MXD1: variants seen among roughly 807,000 people sequenced by gnomAD.
MXD1 encodes MAX dimerization protein 1.
Under a neutral mutation model 25.7 loss-of-function variants are expected in MXD1, and 9 were observed. The ratio of observed to expected loss-of-function variants is 0.35; its 90% CI spans 0.21 to 0.61. MXD1 has a LOEUF of 0.61. Ranked by LOEUF, MXD1 falls within the 20% of genes least tolerant of loss-of-function variation. The pLI, the probability that MXD1 is intolerant of heterozygous loss-of-function variation, is 0.75. For missense variants in MXD1, 227 were observed against 292.4 expected (o/e 0.78, Z 1.63); for synonymous variants, 99 against 113.9 (o/e 0.87, Z 0.83).
Position 69,922,875 on chromosome 2 carries a change from G to A in MXD1, c.203+1110G>A, listed in dbSNP as rs529159235. Among the ~76,000 whole-genome samples, 682 of 107,650 alleles carry A rather than the reference G, an allele frequency of 6.3e-3. 9 individuals carry two copies. Among genetic ancestry groups the A allele is most frequent in the African/African-American group, 0.032 (657 of 20,370 alleles). 70.6% of individuals were successfully genotyped at this position (107,650 alleles called of 152,430 possible). ...GGCTTGGGCAACAGAGTGAGACTCC[G>A]TCTCAAAAAAAAAAAAAAAAAGTAG... On this transcript the variant is annotated intron_variant, in intron 3 of 5. Transcript: ENST00000264444.
Position 69,916,225 on chromosome 2 carries a change from T to C in MXD1, c.173+5T>C. 1 of 1,548,686 alleles carries C rather than the reference T, an allele frequency of 6.5e-7. No individual in the cohort carries two copies. Among genetic ancestry groups the C allele is most frequent in the Non-Finnish European group, 8.9e-7 (1 of 1,122,358 alleles). ...AAAGAATAACAGCAGTAGCAGGTAA[T>C]TTGGTAAATACTTCTTTCTGTCTTT... On this transcript the variant is annotated splice_donor_5th_base_variant and intron_variant, in intron 2 of 5. Transcript: ENST00000264444.
At chr2:69,934,408 T>C (rs976375706) in intron 3 of MXD1, among the ~76,000 whole-genome samples, 1 of 152,248 alleles carries the variant, frequency 6.6e-6, no homozygotes, top group African/African-American at 2.4e-5. Context: ...GGAGCAACTC[T>C]CGTGCTCTCT....
chr2:69,941,545 G>A lies in MXD1; in HGVS notation c.*3261G>A, dbSNP rs764742200. ...AGAACTGAACATTAAGTAGGCCCTC[G>A]TCCTGCAGTTGGCCACTTGAGTGTT... On this transcript the variant is annotated 3_prime_UTR_variant, in exon 6 of 6. Transcript: ENST00000264444. 3.9e-5 allele frequency: 6 copies of A among 152,146 alleles called. No individual in the cohort carries two copies. Among genetic ancestry groups the A allele is most frequent in the Admixed American group, 2.0e-4 (3 of 15,280 alleles). 9.4% of individuals were successfully genotyped at this position (152,146 alleles called of 1,614,324 possible).
intron 3 of MXD1, among the ~76,000 whole-genome samples, chr2:69,931,042 T>C (rs1677269416): frequency 6.6e-6 from 1 of 152,224 alleles, no homozygotes; most frequent in Admixed American, 6.5e-5. Context: ...AACTTCATTT[T>C]TAATTTTTGT....
rs545131485 is a variant in MXD1, at chr2:69,938,551, G to A, written c.*267G>A. On this transcript the variant is annotated 3_prime_UTR_variant, in exon 6 of 6. Transcript: ENST00000264444. ...TGAAGCATCCAAGAATTCTTAGACCGAATAAGCAATGTCCACATCTCAGCA... is the reference window on the plus strand; with the variant it reads ...TGAAGCATCCAAGAATTCTTAGACCAAATAAGCAATGTCCACATCTCAGCA... The A allele has an allele frequency of 3.2e-5, 13 of 402,732 alleles. No individual in the cohort carries two copies. The highest frequency in any genetic ancestry group is 8.2e-5 in the African/African-American group (4 of 48,880). The allele number at this position is 402,732 out of a possible 1,614,324, so 24.9% of individuals were successfully genotyped here.
At position 69,915,794 on chromosome 2, in the gene MXD1, G is replaced by A. The variant is rs1262900510; in HGVS notation, c.74-327G>A. 1.3e-5 allele frequency among the ~76,000 whole-genome samples: 2 copies of A among 152,214 alleles called. No homozygotes were observed. The highest frequency in any genetic ancestry group is 2.9e-5 in the Non-Finnish European group (2 of 68,034). On this transcript the variant is annotated intron_variant, in intron 1 of 5. Transcript: ENST00000264444. This position sits in a 1 kb window ranked among gnomAD's most constrained non-coding sequence, Gnocchi z 5.8. ...TCCCGGTCCCCGGCTCACGGTGCTT[G>A]CCCCGCACCTTCGCCTGAGCTGGTT...
intron 3 of MXD1, among the ~76,000 whole-genome samples, chr2:69,927,269 G>A (rs1413302295): frequency 2.6e-5 from 4 of 152,228 alleles, no homozygotes; most frequent in African/African-American, 9.7e-5. Flanking sequence ...CTGGGCCTGA[G>A]TTGTGGTATG....
chr2:69,915,313 T>C lies in MXD1; in HGVS notation c.-18T>C. On this transcript the variant is annotated 5_prime_UTR_variant, in exon 1 of 6. Transcript: ENST00000264444. The surrounding 1 kb of genome is among the most constrained non-coding windows in gnomAD (Gnocchi z 5.8). Reference sequence around the variant, plus strand: ...GGGCAGTGGGGGTTGGTCCCGTGGCTCCGGCCCCCGGTGCAGAATGGCGGC... The same window carrying C: ...GGGCAGTGGGGGTTGGTCCCGTGGCCCCGGCCCCCGGTGCAGAATGGCGGC... 2 of 1,307,230 alleles carry C rather than the reference T, an allele frequency of 1.5e-6. No homozygotes were observed. Among genetic ancestry groups the C allele is most frequent in the Non-Finnish European group, 2.0e-6 (2 of 1,019,288 alleles). 81.0% of individuals were successfully genotyped at this position (1,307,230 alleles called of 1,614,324 possible). A position where few individuals can be genotyped will look rare whatever the true frequency, so the allele number is the denominator to read the frequency against.
chr2:69,936,525 T>A (rs1056404545), intron 4 of MXD1, among the ~76,000 whole-genome samples: 8 of 152,340 alleles, frequency 5.3e-5, no homozygotes, highest in African/African-American at 1.9e-4. Flanking sequence ...GGACAAATGT[T>A]ACTTTAATTA....
At chr2:69,921,301 A>G (rs1677059602) in intron 2 of MXD1, among the ~76,000 whole-genome samples, 1 of 152,346 alleles carries the variant, frequency 6.6e-6, no homozygotes, top group South Asian at 2.1e-4. Context: ...TAGTCAAGCA[A>G]CTTTACACAA....
chr2:69,922,379 A>G (rs958916114), intron 3 of MXD1, among the ~76,000 whole-genome samples: 1 of 152,118 alleles, frequency 6.6e-6, no homozygotes, highest in Non-Finnish European at 1.5e-5. Flanking sequence ...TTATTTTCCA[A>G]ATCAAGTTGC....
rs1281300854 is a variant in MXD1 at position 69,916,190 on chromosome 2, A to G, written c.143A>G (p.Asn48Ser). ...GACAGAGATGCCTTAAAACGGAGGA[A>G]CAAATCCAAAAAGAATAACAGCAGT... ...NKDRDALKRR[N>S]KSKKNNSSSR... The change falls in exon 2 of 6, where the codon AAC (asparagine) becomes AGC (serine). Residue 48 changes from asparagine (N) to serine (S), a missense_variant. Asn to Ser is a conservative substitution (Grantham distance 46, BLOSUM62 1). Transcript: ENST00000264444. 6.2e-7 allele frequency: 1 copy of G among 1,611,544 alleles called. No homozygotes were observed. The highest frequency in any genetic ancestry group is 1.7e-5 in the Admixed American group (1 of 59,980).
At chr2:69,921,199 G>T (rs376551760) in intron 2 of MXD1, among the ~76,000 whole-genome samples, 21 of 152,210 alleles carry the variant, frequency 1.4e-4, no homozygotes, top group African/African-American at 4.6e-4. Context: ...AAATCATTTG[G>T]TTGCTATTTA....
At chr2:69,924,063 A>G (rs1240764293) in intron 3 of MXD1, among the ~76,000 whole-genome samples, 2 of 152,222 alleles carry the variant, frequency 1.3e-5, no homozygotes, top group African/African-American at 4.8e-5. Flanking sequence ...TTTTCTGTCT[A>G]TGGTGGCCCC....
chr2:69,917,230 G>C (rs1390883089), intron 2 of MXD1, among the ~76,000 whole-genome samples: 1 of 152,118 alleles, frequency 6.6e-6, no homozygotes, highest in Non-Finnish European at 1.5e-5. Context: ...TTCTGTACTT[G>C]GTTTACCTCT....
intron 4 of MXD1, among the ~76,000 whole-genome samples, chr2:69,936,458 CTT>C (rs759781294): frequency 9.7e-4 from 147 of 152,284 alleles, no homozygotes; most frequent in Admixed American, 2.1e-3. Context: ...GATTCAAAGT[CTT>C]GAGAGCCACA....
At chr2:69,920,019 GTTTT>G (rs1260863531) in intron 2 of MXD1, among the ~76,000 whole-genome samples, 2 of 106,676 alleles carry the variant, frequency 1.9e-5, no homozygotes, top group African/African-American at 9.4e-5. Flanking sequence ...GTTTTGTTTT[GTTTT>G]GTTTTTGAGA....
intron 3 of MXD1, among the ~76,000 whole-genome samples, chr2:69,924,547 G>C (rs1236855101): frequency 6.6e-6 from 1 of 152,178 alleles, no homozygotes; most frequent in Admixed American, 6.5e-5. Flanking sequence ...AAGAACTTCA[G>C]GGTTTGGAGG....
chr2:69,938,461 C>A lies in MXD1; in HGVS notation c.*177C>A. 1 of 602,762 alleles carries A rather than the reference C, an allele frequency of 1.7e-6. No individual in the cohort carries two copies. The highest frequency in any genetic ancestry group is 2.9e-6 in the Non-Finnish European group (1 of 345,360). 37.3% of individuals were successfully genotyped at this position (602,762 alleles called of 1,614,324 possible). A position where few individuals can be genotyped will look rare whatever the true frequency, so the allele number is the denominator to read the frequency against. Reference sequence around the variant, plus strand: ...TAGGATTGTGGGTTTCTGATTGCATCCACTAGCTTCTCTTTTTCTCGCCAT... The same window carrying A: ...TAGGATTGTGGGTTTCTGATTGCATACACTAGCTTCTCTTTTTCTCGCCAT... On this transcript the variant is annotated 3_prime_UTR_variant, in exon 6 of 6. Transcript: ENST00000264444.
Sources: allele counts gnomAD v4.1 joint callset (sites outside exome capture counted in the v4.1 genomes callset), GRCh38; gene constraint gnomAD v4.1.1; non-coding constraint Gnocchi (gnomAD v3.1); transcripts MANE v1.5; gene names NCBI Gene and HGNC (gene_info 2026-07-23, HGNC 2026-07-21).